The following COL24A1 variants were observed in gnomAD, a reference collection of about 807,000 sequenced individuals.
The protein encoded by COL24A1 is collagen alpha-1(XXIV) chain.
COL24A1 carries 224 observed loss-of-function variants against 253.9 expected under a neutral mutation model. That is an observed-to-expected ratio of 0.88 (90% CI 0.79 to 0.99). The LOEUF is 0.99. COL24A1 is among the 50% of genes least tolerant of loss of function. COL24A1 has a pLI of 0.00. For synonymous variants in COL24A1, 685 were observed against 673.7 expected, an observed-to-expected ratio of 1.02 and a Z score of -0.26; for missense variants, 2,131 against 2,068.5, an observed-to-expected ratio of 1.03 and a Z score of -0.59.
At chr1:86,150,092 C>T (rs1180435672) in intron 1 of COL24A1, among the ~76,000 whole-genome samples, 1 of 152,184 alleles carries the variant, frequency 6.6e-6, no homozygotes, top group Non-Finnish European at 1.5e-5. Context: ...TCTCCATCCA[C>T]TGGAAAGACC....
At chr1:86,130,404 A>T (rs1444116591) in intron 2 of COL24A1, among the ~76,000 whole-genome samples, 1 of 151,770 alleles carries the variant, frequency 6.6e-6, no homozygotes, top group Non-Finnish European at 1.5e-5. Context: ...TACCACTTTA[A>T]TTTTTTGAAG....
intron 20 of COL24A1, among the ~76,000 whole-genome samples, chr1:85,985,135 T>C (rs1693608201): frequency 6.6e-6 from 1 of 151,882 alleles, no homozygotes; most frequent in African/African-American, 2.4e-5. Flanking sequence ...AAGTGCTTGA[T>C]AGGTTTTTTT....
chr1:86,046,897 A>ATT, intron 11 of COL24A1, 28 bp from the exon 12 acceptor site: 1 of 1,226,054 alleles, frequency 8.2e-7, no homozygotes, highest in Non-Finnish European at 1.2e-6. Flanking sequence ...AAAAGGAAAT[A>ATT]TTTGTTGAAT....
At chr1:85,780,752 C>G (rs1208867344) in intron 52 of COL24A1, among the ~76,000 whole-genome samples, 1 of 152,192 alleles carries the variant, frequency 6.6e-6, no homozygotes, top group African/African-American at 2.4e-5. Flanking sequence ...GTAACCTGTA[C>G]TGTATCTTCT....
Position 85,896,225 on chromosome 1 carries a change from G to A in COL24A1, c.2832+131C>T, listed in dbSNP as rs986634667. ...TGCCTGTGTAGTAAAAACTTTATGC[G>A]TTTCATACTTAGACAAAGAGAAAAC... On this transcript the variant is annotated intron_variant, in intron 29 of 59. Transcript: ENST00000370571. 6.8e-6 allele frequency: 8 copies of A among 1,177,316 alleles called. No individual in the cohort carries two copies. In the African/African-American group the frequency reaches 9.4e-5, roughly 14 times the overall value. 72.9% of individuals were successfully genotyped at this position (1,177,316 alleles called of 1,614,324 possible).
At position 85,730,566 on chromosome 1, in the gene COL24A1, T is replaced by G; in HGVS notation, c.5125A>C (p.Ser1709Arg). Residue 1709 changes from serine (S) to arginine (R), a missense_variant, in exon 60 of 60, where the codon AGT becomes CGT. Coordinates refer to ENST00000370571, the MANE Select transcript of COL24A1 (RefSeq NM_152890.7). ...AGACTTTACAGAAAGCATACAGAAC[T>G]GCTGTCAATGTAATACTTTCGTTCA... ...KTERKYYIDS[S>R]SVCFL 3 of 1,613,950 alleles carry G rather than the reference T, an allele frequency of 1.9e-6. No individual in the cohort carries two copies. Among genetic ancestry groups the G allele is most frequent in the South Asian group, 2.2e-5 (2 of 91,062 alleles).
intron 43 of COL24A1, among the ~76,000 whole-genome samples, chr1:85,829,085 C>T (rs1475269844): frequency 5.7e-4 from 69 of 120,460 alleles, no homozygotes; most frequent in Middle Eastern, 5.1e-3. Flanking sequence ...CCATGTTTAG[C>T]GCTTCCTTCA....
intron 12 of COL24A1, among the ~76,000 whole-genome samples, chr1:86,036,629 G>A (rs931468449): frequency 6.6e-6 from 1 of 152,112 alleles, no homozygotes; most frequent in Admixed American, 6.6e-5. Context: ...ATACAGGTGA[G>A]GTTCTATATT....
intron 5 of COL24A1, among the ~76,000 whole-genome samples, chr1:86,109,113 T>C (rs1705293214): frequency 6.6e-6 from 1 of 152,194 alleles, no homozygotes; most frequent in Non-Finnish European, 1.5e-5. Context: ...TCTGAGCCCT[T>C]ACAGCTACTT....
intron 19 of COL24A1, among the ~76,000 whole-genome samples, chr1:86,016,808 T>G (rs1383289758): frequency 6.6e-6 from 1 of 152,350 alleles, no homozygotes; most frequent in African/African-American, 2.4e-5. Context: ...TATATGGATA[T>G]AGCAATAATT....
intron 32 of COL24A1, among the ~76,000 whole-genome samples, chr1:85,886,652 G>A (rs1420801024): frequency 2.0e-5 from 3 of 151,688 alleles, no homozygotes; most frequent in African/African-American, 4.8e-5. Context: ...GCGACAGAGC[G>A]AGACTCTGTC....
intron 47 of COL24A1, among the ~76,000 whole-genome samples, chr1:85,787,251 G>T (rs1465893267): frequency 6.6e-6 from 1 of 151,754 alleles, no homozygotes; most frequent in Non-Finnish European, 1.5e-5. Context: ...GGATGTGCAG[G>T]TTTGTTATGT....
intron 7 of COL24A1, among the ~76,000 whole-genome samples, chr1:86,064,171 A>C (rs1281479192): frequency 2.0e-5 from 3 of 152,100 alleles, no homozygotes; most frequent in Non-Finnish European, 4.4e-5. Context: ...ATCTGTTTGT[A>C]ATTATTGAAA....
intron 45 of COL24A1, among the ~76,000 whole-genome samples, chr1:85,822,027 C>T (rs1033944823): frequency 6.6e-6 from 1 of 152,152 alleles, no homozygotes; most frequent in Admixed American, 6.5e-5. Context: ...TCTAGGTTCC[C>T]AATGTTTTCT....
At chr1:85,892,668 C>T (rs1033904656) in intron 31 of COL24A1, among the ~76,000 whole-genome samples, 11 of 151,678 alleles carry the variant, frequency 7.3e-5, no homozygotes, top group East Asian at 5.8e-4. Flanking sequence ...CTTTGCAATG[C>T]GTAGTTTAAA....
chr1:85,861,796 T>C (rs774251357), intron 37 of COL24A1, among the ~76,000 whole-genome samples: 14 of 152,236 alleles, frequency 9.2e-5, no homozygotes, highest in Non-Finnish European at 1.8e-4. Context: ...TATCATAGCT[T>C]AAAAAGTCCT....
In COL24A1 at chr1:85,914,304, A is replaced by ATGTGTGTGTG. The variant is rs71078628; in HGVS notation, c.2563-2881_2563-2872dup. On this transcript the variant is annotated intron_variant, in intron 24 of 59. Transcript: ENST00000370571. Reference sequence around the variant, plus strand: ...GTATTTCATCGTTATTTTGTCATGAATGTGTGTGTGTGTGTGTGTGTGTGT... The same window carrying ATGTGTGTGTG: ...GTATTTCATCGTTATTTTGTCATGAATGTGTGTGTGTGTGTGTGTGTGTGTGTGTGTGTGT... Among the ~76,000 whole-genome samples the ATGTGTGTGTG allele has an allele frequency of 7.5e-4, 105 of 139,258 alleles. 1 individual carries two copies. Among genetic ancestry groups the ATGTGTGTGTG allele is most frequent in the East Asian group, 3.8e-3 (18 of 4,744 alleles). The allele number at this position is 139,258 out of a possible 152,430, so 91.4% of individuals were successfully genotyped here. A position where few individuals can be genotyped will look rare whatever the true frequency, so the allele number is the denominator to read the frequency against.
intron 43 of COL24A1, among the ~76,000 whole-genome samples, chr1:85,824,365 T>C (rs773769514): frequency 7.9e-5 from 12 of 152,236 alleles, no homozygotes; most frequent in Non-Finnish European, 1.8e-4. Flanking sequence ...TATCTATTGT[T>C]GTAAGCCACC....
rs922802646 is a variant in COL24A1 at position 85,935,794 on chromosome 1, A to G, written c.2563-24361T>C. On this transcript the variant is annotated intron_variant, in intron 24 of 59. Coordinates refer to ENST00000370571, the MANE Select transcript of COL24A1 (RefSeq NM_152890.7). Reference sequence around the variant, plus strand: ...GCCTACTGCCTGGGATACATAAGATAACATACGTAGAATGAATGAGTGAAC... The same window carrying G: ...GCCTACTGCCTGGGATACATAAGATGACATACGTAGAATGAATGAGTGAAC... 2.7e-5 allele frequency among the ~76,000 whole-genome samples: 4 copies of G among 147,484 alleles called. 1 individual carries two copies. The highest frequency in any genetic ancestry group is 7.5e-5 in the African/African-American group (3 of 40,232).
Sources: allele counts gnomAD v4.1 joint callset (sites outside exome capture counted in the v4.1 genomes callset), GRCh38; gene constraint gnomAD v4.1.1; transcripts MANE v1.5; gene names NCBI Gene and HGNC (gene_info 2026-07-23, HGNC 2026-07-21).